Variants in KMT2E observed in about 807,000 individuals in gnomAD.
The protein encoded by KMT2E is lysine methyltransferase 2E (inactive), also known as histone reader KMT2E.
Under a neutral mutation model 184.6 loss-of-function variants are expected in KMT2E, and 30 were observed. The observed-to-expected ratio is 0.16, with a 90% confidence interval of 0.12 to 0.22. The LOEUF is 0.22. Among genes scored for constraint, KMT2E ranks in the 10% least tolerant of loss-of-function variants. The pLI is 1.00. For missense variants in KMT2E, 2,023 were observed against 2,237.4 expected, an observed-to-expected ratio of 0.90 and a Z score of 1.93; for synonymous variants, 815 against 776.5, an observed-to-expected ratio of 1.05 and a Z score of -0.82.
rs1799366796 is a variant in KMT2E, at chr7:105,112,683, C to T, written c.4927C>T (p.Gln1643Ter). Residue 1643 changes from glutamine to a stop codon, truncating the protein, a stop_gained, in exon 27 of 27, where the codon CAG becomes TAG. Transcript: ENST00000311117. LOFTEE classifies it high-confidence loss of function. Reference protein sequence around the residue: ...PPAPGPHLVQQPNSHQQHSVA... With the variant: ...PPAPGPHLVQ Reference sequence around the variant, plus strand: ...TGCTCCAGGACCGCACCTTGTACAACAGCCGAATTCCCATCAGCAACACTC... The same window carrying T: ...TGCTCCAGGACCGCACCTTGTACAATAGCCGAATTCCCATCAGCAACACTC... 1 of 1,613,880 alleles carries T rather than the reference C, an allele frequency of 6.2e-7. No individual in the cohort carries two copies. Among genetic ancestry groups the T allele is most frequent in the African/African-American group, 1.3e-5 (1 of 74,854 alleles).
At chr7:105,052,142 C>T (rs1234374139) in intron 3 of KMT2E, among the ~76,000 whole-genome samples, 1 of 152,154 alleles carries the variant, frequency 6.6e-6, no homozygotes, top group African/African-American at 2.4e-5. Context: ...CCATAAGGCC[C>T]TCCTTCCCTA....
At chr7:105,083,508 C>T (rs940394872) in intron 13 of KMT2E, among the ~76,000 whole-genome samples, 3 of 152,194 alleles carry the variant, frequency 2.0e-5, no homozygotes, top group African/African-American at 7.2e-5. Context: ...AAAGGGTTCT[C>T]CTCCAGGTTT....
chr7:105,073,973 A>G (rs556649077), intron 7 of KMT2E, among the ~76,000 whole-genome samples: 1 of 152,302 alleles, frequency 6.6e-6, no homozygotes, highest in Admixed American at 6.5e-5. Context: ...AAAAAGTAAA[A>G]TATGTTTGTT....
Position 105,076,968 on chromosome 7 carries a change from A to G in KMT2E, c.774A>G (p.Ser258=). ...AGCTCAGTTTATGATTTTAGGGTTCAGCTCCAGAGATTGATCCTTCATCTG... is the reference window on the plus strand; with the variant it reads ...AGCTCAGTTTATGATTTTAGGGTTCGGCTCCAGAGATTGATCCTTCATCTG... The part of the protein sequence containing the change: ...GSRKSSRVKG[S]APEIDPSSDG... Residue 258 remains serine, a synonymous_variant, in exon 10 of 27, where the codon TCA becomes TCG. Coordinates refer to ENST00000311117, the MANE Select transcript of KMT2E (RefSeq NM_182931.3). 1 of 1,612,486 alleles carries G rather than the reference A, an allele frequency of 6.2e-7. No individual in the cohort carries two copies. Among genetic ancestry groups the G allele is most frequent in the South Asian group, 1.1e-5 (1 of 91,016 alleles).
chr7:105,046,678 T>C (rs1040290712), intron 3 of KMT2E, among the ~76,000 whole-genome samples: 6 of 152,230 alleles, frequency 3.9e-5, no homozygotes, highest in Admixed American at 2.0e-4. Context: ...GTCAGTGCCC[T>C]GGCAATTTGG....
Position 105,106,738 on chromosome 7 carries a change from C to T in KMT2E, c.2813C>T (p.Thr938Ile), listed in dbSNP as rs1224448205. ...ATATATTCACCAGTTACCCCAGTAA[C>T]TCCTGGTACACCAGGAAATACCATG... is the stretch of plus-strand genomic sequence containing the variant. ...KPIYSPVTPV[T>I]PGTPGNTMHF... The change falls in exon 20 of 27, where the codon ACT becomes ATT. Residue 938 changes from threonine (T) to isoleucine (I), a missense_variant. Thr to Ile is a moderately conservative substitution (Grantham distance 89). This residue lies in a region of KMT2E where 514 missense variants were observed against 621.8 expected (regional missense o/e 0.83). Transcript: ENST00000311117. The T allele has an allele frequency of 3.7e-6, 6 of 1,613,626 alleles. No homozygotes were observed. Among genetic ancestry groups the T allele is most frequent in the East Asian group, 2.2e-5 (1 of 44,886 alleles).
Position 105,062,161 on chromosome 7 carries a change from C to T in KMT2E, c.72-3C>T. ...TCTCTTTGATGCAACTTTTTCCCCC[C>T]AGACCAGAATCCGTAGAAGCTAGCC... On this transcript the variant is annotated splice_region_variant and splice_polypyrimidine_tract_variant and intron_variant, in intron 3 of 26. Transcript: ENST00000311117. 6.3e-7 allele frequency: 1 copy of T among 1,596,542 alleles called. No homozygotes were observed. Among genetic ancestry groups the T allele is most frequent in the Non-Finnish European group, 8.6e-7 (1 of 1,165,950 alleles).
At position 105,110,587 on chromosome 7, in the gene KMT2E, A is replaced by G; in HGVS notation, c.3955A>G (p.Ser1319Gly). 1 of 1,614,194 alleles carries G rather than the reference A, an allele frequency of 6.2e-7. No homozygotes were observed. The highest frequency in any genetic ancestry group is 1.1e-5 in the South Asian group (1 of 91,082). The change falls in exon 25 of 27, where the codon AGT becomes GGT. Residue 1319 changes from serine to glycine, a missense_variant. Around this residue, in one of 8 missense-constraint regions of KMT2E, gnomAD observed 1,108 missense variants for 1,050.9 expected, o/e 1.05. Coordinates refer to ENST00000311117, the MANE Select transcript of KMT2E (RefSeq NM_182931.3). ...LQAKGPVPSF[S>G]ELMEDPDPEN... ...AGCTAAGGGCCCAGTCCCTTCTTTC[A>G]GTGAACTTATGGAAGGTCAGTAAGC...
chr7:105,110,434 C>A (rs1208355778), intron 24 of KMT2E, 43 bp from the exon 25 acceptor site: 1 of 1,613,906 alleles, frequency 6.2e-7, no homozygotes, highest in African/African-American at 1.3e-5. Flanking sequence ...TCGTTCTTTG[C>A]AGCTCTAATG....
Position 105,108,926 on chromosome 7 carries a change from ATCTT to A in KMT2E, c.3469-11_3469-8del, listed in dbSNP as rs1479698010. 6.3e-7 allele frequency: 1 copy of A among 1,574,930 alleles called. No homozygotes were observed. Among genetic ancestry groups the A allele is most frequent in the Non-Finnish European group, 8.7e-7 (1 of 1,155,714 alleles). ...AAGAATAAAAGATTTGCTTTTTCTC[ATCTT>A]TCTTGCTTAAGGTTTCTCTATTAGA... On this transcript the variant is annotated splice_polypyrimidine_tract_variant and intron_variant, in intron 22 of 26. Transcript: ENST00000311117.
At chr7:105,022,324 C>T (rs1169825716) in intron 1 of KMT2E, among the ~76,000 whole-genome samples, 1 of 151,996 alleles carries the variant, frequency 6.6e-6, no homozygotes, top group Non-Finnish European at 1.5e-5. Flanking sequence ...GGAACAGTTC[C>T]TCCATCTTTG....
chr7:105,090,275 T>A lies in KMT2E; in HGVS notation c.1623+2T>A. On this transcript the variant is annotated splice_donor_variant, in intron 14 of 26. Coordinates refer to ENST00000311117, the MANE Select transcript of KMT2E (RefSeq NM_182931.3). LOFTEE classifies it high-confidence loss of function. ...AGACTATCAGTATCAAATAATCAGG[T>A]ACTGAACTCTGCTCTCAATGAAATT... 6.3e-7 allele frequency: 1 copy of A among 1,578,814 alleles called. No homozygotes were observed. Among genetic ancestry groups the A allele is most frequent in the Non-Finnish European group, 8.6e-7 (1 of 1,169,136 alleles).
intron 17 of KMT2E, chr7:105,103,240 A>G (rs1453990272): frequency 1.3e-5 from 2 of 152,192 alleles, no homozygotes; most frequent in African/African-American, 4.8e-5. Context: ...GTGGTACGAT[A>G]AATTTATTTA....
intron 26 of KMT2E, 50 bp from the exon 27 acceptor site, chr7:105,111,775 A>G (rs1799298421): frequency 6.5e-7 from 1 of 1,545,300 alleles, no homozygotes; most frequent in Non-Finnish European, 8.7e-7. Context: ...ATAAACCTCA[A>G]GGTACACAAA....
chr7:105,074,867 T>C, intron 8 of KMT2E, 52 bp downstream of exon 8: 1 of 1,347,972 alleles, frequency 7.4e-7, no homozygotes, highest in Non-Finnish European at 9.9e-7. Context: ...GATAGGGAAC[T>C]GAATTTTATA....
chr7:105,093,199 AAAAC>A (rs1021722675), intron 15 of KMT2E, among the ~76,000 whole-genome samples: 37 of 152,316 alleles, frequency 2.4e-4, no homozygotes, highest in African/African-American at 3.4e-4. Flanking sequence ...TCCTTGTCAC[AAAAC>A]AAACAAACAA....
intron 3 of KMT2E, among the ~76,000 whole-genome samples, chr7:105,050,662 C>CTT (rs1300090646): frequency 2.9e-5 from 4 of 138,952 alleles, no homozygotes; most frequent in African/African-American, 1.1e-4. Context: ...TTCTTTCTTT[C>CTT]TTTTTTCTTT....
chr7:105,059,354 A>G (rs967392561), intron 3 of KMT2E, among the ~76,000 whole-genome samples: 1 of 152,202 alleles, frequency 6.6e-6, no homozygotes, highest in Non-Finnish European at 1.5e-5. Flanking sequence ...AGTACTGTAA[A>G]TCGTTGCTAA....
rs540893678 is a variant in KMT2E, at chr7:105,101,543, C to A, written c.1841C>A (p.Thr614Asn). The A allele has an allele frequency of 3.2e-6, 5 of 1,582,982 alleles. No individual in the cohort carries two copies. The African/African-American group carries it at 6.8e-5, about 22-fold the overall frequency. ...RISTAKTEVK[T>N]ECKDTQIVSD... ...AGCACAGCCAAAACTGAAGTTAAAA[C>A]TGAATGTAAAGATACACAGATTGTC... The change falls in exon 16 of 27, where the codon ACT (threonine) becomes AAT (asparagine). Residue 614 changes from threonine (T) to asparagine (N), a missense_variant. Physicochemically the swap from Thr to Asn is moderately conservative, Grantham distance 65. This residue lies in a region of KMT2E where 514 missense variants were observed against 621.8 expected (regional missense o/e 0.83). Transcript: ENST00000311117.
Sources: gnomAD v4.1 joint callset for allele counts (sites outside exome capture counted in the v4.1 genomes callset) on GRCh38, gnomAD v4.1.1 for gene constraint, gnomAD v4.1.1 regional missense constraint, MANE v1.5 for transcripts, NCBI Gene and HGNC (gene_info 2026-07-23, HGNC 2026-07-21) for gene names.